Variants in ADGRL3 observed in about 807,000 individuals in gnomAD.
The protein encoded by ADGRL3 is adhesion G protein-coupled receptor L3, also known as calcium-independent alpha-latrotoxin receptor 3.
A neutral mutation model predicts 153.5 loss-of-function variants in ADGRL3; 62 were observed. The ratio of observed to expected loss-of-function variants is 0.40; its 90% CI spans 0.33 to 0.50. ADGRL3 has a LOEUF of 0.50. Among genes scored for constraint, ADGRL3 ranks in the 20% least tolerant of loss-of-function variants. ADGRL3 has a pLI of 0.47. For missense variants in ADGRL3, 1,641 were observed against 1,859.4 expected (o/e 0.88, Z 2.16); for synonymous variants, 710 against 672.5 (o/e 1.06, Z -0.86).
In ADGRL3 at chr4:61,517,527, A is replaced by C. The variant is rs1034984192; in HGVS notation, c.259+9A>C. On this transcript the variant is annotated intron_variant, in intron 4 of 26. Transcript: ENST00000683033. ...ACAGATTGCAGCGCAAGGTGCGGCC[A>C]GCGGTGGGGAGAGAGGGCTGGGGGT... is the stretch of plus-strand genomic sequence containing the variant. 2.8e-6 allele frequency: 2 copies of C among 703,148 alleles called. No homozygotes were observed. The allele number at this position is 703,148 out of a possible 1,614,324, so 43.6% of individuals were successfully genotyped here.
chr4:61,289,004 A>G (rs997449339), intron 1 of ADGRL3, among the ~76,000 whole-genome samples: 2 of 152,038 alleles, frequency 1.3e-5, no homozygotes, highest in African/African-American at 4.8e-5. Flanking sequence ...AAGTAAAATT[A>G]TACATATATT....
intron 12 of ADGRL3, 55 bp from the exon 13 acceptor site, chr4:61,912,664 G>T: frequency 6.7e-7 from 1 of 1,484,512 alleles, no homozygotes; most frequent in Non-Finnish European, 9.4e-7. Context: ...GTTTTCTTCT[G>T]TCACTAACTT....
At chr4:61,434,859 A>C (rs977651218) in intron 2 of ADGRL3, among the ~76,000 whole-genome samples, 1 of 152,122 alleles carries the variant, frequency 6.6e-6, no homozygotes, top group South Asian at 2.1e-4. Context: ...AAAATTAAAG[A>C]TGTACATCTC....
chr4:62,001,249 T>C (rs868764231), intron 21 of ADGRL3, among the ~76,000 whole-genome samples: 14 of 152,258 alleles, frequency 9.2e-5, no homozygotes, highest in African/African-American at 2.2e-4. Flanking sequence ...TTCCACTACA[T>C]TGGATTTCAG....
chr4:61,504,402 G>A (rs1365486700), intron 3 of ADGRL3, among the ~76,000 whole-genome samples: 1 of 152,034 alleles, frequency 6.6e-6, no homozygotes, highest in Non-Finnish European at 1.5e-5. Context: ...CATTTATGGG[G>A]TACATATAAT....
At chr4:61,616,179 T>TA (rs1201519916) in intron 5 of ADGRL3, among the ~76,000 whole-genome samples, 2 of 152,172 alleles carry the variant, frequency 1.3e-5, no homozygotes, top group Non-Finnish European at 1.5e-5. Context: ...AATAACTTGA[T>TA]AAAAATGGTA....
intron 2 of ADGRL3, among the ~76,000 whole-genome samples, chr4:61,440,581 T>C (rs2097517333): frequency 6.6e-6 from 1 of 152,148 alleles, no homozygotes; most frequent in Admixed American, 6.5e-5. Flanking sequence ...TGGCTTTTCT[T>C]AAGAACATGA....
intron 2 of ADGRL3, among the ~76,000 whole-genome samples, chr4:61,457,897 G>GATAT (rs1553934552): frequency 2.0e-5 from 3 of 151,178 alleles, no homozygotes; most frequent in Non-Finnish European, 4.4e-5. Context: ...TAGATAGATA[G>GATAT]ATAGATGCAG....
chr4:61,702,465 T>C (rs896671756), intron 6 of ADGRL3, among the ~76,000 whole-genome samples: 3 of 152,218 alleles, frequency 2.0e-5, no homozygotes, highest in African/African-American at 7.2e-5. Context: ...TTTTATAATT[T>C]GCACTTACAT....
intron 4 of ADGRL3, among the ~76,000 whole-genome samples, chr4:61,554,922 T>C (rs1266386374): frequency 2.6e-5 from 4 of 152,086 alleles, no homozygotes; most frequent in Non-Finnish European, 2.9e-5. Context: ...ATGGAGAAGA[T>C]ATTAGACAAA....
chr4:61,591,209 T>C (rs2098967726), intron 5 of ADGRL3, among the ~76,000 whole-genome samples: 1 of 152,206 alleles, frequency 6.6e-6, no homozygotes, highest in South Asian at 2.1e-4. Flanking sequence ...GTCCGGCTTC[T>C]CTCATGTAAT....
At chr4:61,560,176 TA>T (rs2098788727) in intron 4 of ADGRL3, among the ~76,000 whole-genome samples, 1 of 152,106 alleles carries the variant, frequency 6.6e-6, no homozygotes, top group Non-Finnish European at 1.5e-5. Context: ...TGTCACTACT[TA>T]TTTGCCTCGA....
At chr4:61,221,842 T>C (rs944427873) in intron 1 of ADGRL3, among the ~76,000 whole-genome samples, 5 of 152,146 alleles carry the variant, frequency 3.3e-5, no homozygotes, top group African/African-American at 9.6e-5. Flanking sequence ...ATATTCGCAA[T>C]ATAGTTTTGT....
At chr4:61,839,592 G>A (rs901472855) in intron 9 of ADGRL3, among the ~76,000 whole-genome samples, 6 of 148,564 alleles carry the variant, frequency 4.0e-5, no homozygotes, top group Admixed American at 3.4e-4. Context: ...AATTTGGCAG[G>A]TTTTTTTTTT....
intron 5 of ADGRL3, among the ~76,000 whole-genome samples, chr4:61,619,062 C>G (rs1001887577): frequency 9.2e-5 from 14 of 152,068 alleles, no homozygotes; most frequent in African/African-American, 3.4e-4. Context: ...AGCCTTTAGG[C>G]AAAGCAAATC....
Position 61,202,327 on chromosome 4 carries a change from T to G in ADGRL3, c.-240+562T>G, listed in dbSNP as rs1735086109. 6.6e-6 allele frequency: 1 copy of G among 152,650 alleles called. No individual in the cohort carries two copies. Among genetic ancestry groups the G allele is most frequent in the Non-Finnish European group, 1.5e-5 (1 of 68,440 alleles). The allele number at this position is 152,650 out of a possible 1,614,324, so 9.5% of individuals were successfully genotyped here. ...TGCCTGGAGCATCCCTGGCCCCTTT[T>G]GCCCAGGTCGCGCCCCTGAGTCTTG... On this transcript the variant is annotated intron_variant, in intron 1 of 26. Coordinates refer to ENST00000683033, the MANE Select transcript of ADGRL3 (RefSeq NM_001387552.1). This position sits in a 1 kb window ranked among gnomAD's most constrained non-coding sequence, Gnocchi z 5.0.
At position 62,071,979 on chromosome 4, in the gene ADGRL3, G is replaced by A. The variant is rs990748097; in HGVS notation, c.*1071G>A. The stretch of plus-strand genomic sequence containing the variant: ...ACAAACTTTTATGTTTACAGGGCAC[G>A]TCTGTTGTAATGCAAAGCATATTTG... On this transcript the variant is annotated 3_prime_UTR_variant, in exon 27 of 27. Coordinates refer to ENST00000683033, the MANE Select transcript of ADGRL3 (RefSeq NM_001387552.1). 3.1e-5 allele frequency: 7 copies of A among 227,566 alleles called. No individual in the cohort carries two copies. Among genetic ancestry groups the A allele is most frequent in the African/African-American group, 4.7e-5 (2 of 42,354 alleles). 14.1% of individuals were successfully genotyped at this position (227,566 alleles called of 1,614,324 possible).
intron 4 of ADGRL3, among the ~76,000 whole-genome samples, chr4:61,521,982 T>A (rs550572872): frequency 3.9e-4 from 60 of 152,292 alleles, no homozygotes; most frequent in African/African-American, 1.4e-3. Flanking sequence ...TTATTATTTG[T>A]TAGGCATCTT....
intron 2 of ADGRL3, among the ~76,000 whole-genome samples, chr4:61,448,409 A>G (rs1382998783): frequency 1.3e-5 from 2 of 152,110 alleles, no homozygotes; most frequent in Non-Finnish European, 2.9e-5. Flanking sequence ...TTTGGCTTGA[A>G]TCCTACTGCA....
Sources: allele counts gnomAD v4.1 joint callset (sites outside exome capture counted in the v4.1 genomes callset), GRCh38; gene constraint gnomAD v4.1.1; non-coding constraint Gnocchi (gnomAD v3.1); transcripts MANE v1.5; gene names NCBI Gene and HGNC (gene_info 2026-07-23, HGNC 2026-07-21).